ZBTB25: variants seen among roughly 807,000 people sequenced by gnomAD.
The protein encoded by ZBTB25 is zinc finger and BTB domain-containing protein 25.
ZBTB25 carries 20 observed loss-of-function variants against 34.2 expected under a neutral mutation model. That is an observed-to-expected ratio of 0.58 (90% confidence interval 0.41 to 0.85). The LOEUF is 0.85. Ranked by LOEUF, ZBTB25 falls within the 40% of genes least tolerant of loss-of-function variation. The pLI, the probability that ZBTB25 is intolerant of heterozygous loss-of-function variation, is 0.00. For synonymous variants in ZBTB25, 175 were observed against 186.4 expected (o/e 0.94, Z 0.50); for missense variants, 437 against 521.8 (o/e 0.84, Z 1.58).
In ZBTB25 at chr14:64,485,680, G is replaced by C. The variant is rs1175780304; in HGVS notation, c.*1243C>G. The C allele has an allele frequency of 1.0e-6, 1 of 985,140 alleles. No individual in the cohort carries two copies. The highest frequency in any genetic ancestry group is 6.2e-5 in the Admixed American group (1 of 16,256). 61.0% of individuals were successfully genotyped at this position (985,140 alleles called of 1,614,324 possible). A position where few individuals can be genotyped will look rare whatever the true frequency, so the allele number is the denominator to read the frequency against. On this transcript the variant is annotated 3_prime_UTR_variant, in exon 3 of 3. Transcript: ENST00000608382. ...ATGGATCAGGAAAAAAGTGAAAACTGTGCCACTGAAAAATTACTTTTTCAG... is the reference window on the plus strand; with the variant it reads ...ATGGATCAGGAAAAAAGTGAAAACTCTGCCACTGAAAAATTACTTTTTCAG...
At chr14:64,477,157 C>T (rs2141010284), downstream of ZBTB25, among the ~76,000 whole-genome samples, 1 of 152,196 alleles carries the variant, frequency 6.6e-6, no homozygotes, top group Non-Finnish European at 1.5e-5. Context: ...AAAATAAGGG[C>T]TTCTTAAACC....
chr14:64,499,716 A>T lies in ZBTB25; in HGVS notation c.-8+3945T>A, dbSNP rs189796222. Among the ~76,000 whole-genome samples the T allele has an allele frequency of 1.6e-3, 237 of 152,348 alleles. 2 individuals carry two copies. The highest frequency in any genetic ancestry group is 5.4e-3 in the African/African-American group (226 of 41,578). On this transcript the variant is annotated intron_variant, in intron 1 of 2. Coordinates refer to ENST00000608382, the MANE Select transcript of ZBTB25 (RefSeq NM_006977.5). ...GAAATATTTACTCTCTTACTCCATT[A>T]CACCTAGATTGGATTTCATAACACC...
intron 1 of ZBTB25, among the ~76,000 whole-genome samples, chr14:64,497,449 T>C (rs1292926545): frequency 6.6e-6 from 1 of 152,236 alleles, no homozygotes; most frequent in Non-Finnish European, 1.5e-5. Context: ...CATTTGAGAA[T>C]TTCTGGTGAG....
In ZBTB25 at chr14:64,485,661, C is replaced by G; in HGVS notation, c.*1262G>C. On this transcript the variant is annotated 3_prime_UTR_variant, in exon 3 of 3. Transcript: ENST00000608382. ...TATCCACTTTGCTGGTTTTATGGAT[C>G]AGGAAAAAAGTGAAAACTGTGCCAC... is the stretch of plus-strand genomic sequence containing the variant. 4.1e-6 allele frequency: 4 copies of G among 985,258 alleles called. No individual in the cohort carries two copies. The highest frequency in any genetic ancestry group is 4.8e-6 in the Non-Finnish European group (4 of 829,894). 61.0% of individuals were successfully genotyped at this position (985,258 alleles called of 1,614,324 possible).
intron 2 of ZBTB25, among the ~76,000 whole-genome samples, chr14:64,456,360 T>C (rs1174031003): frequency 6.6e-6 from 1 of 152,240 alleles, no homozygotes; most frequent in Non-Finnish European, 1.5e-5. Flanking sequence ...CTCAGATTAT[T>C]TGAATATTTT....
intron 1 of ZBTB25, among the ~76,000 whole-genome samples, chr14:64,493,814 G>A (rs75930284): frequency 0.018 from 2,686 of 150,596 alleles, 82 homozygotes; most frequent in African/African-American, 0.062. Context: ...TACAGAAACC[G>A]TCTTGATAAG....
rs977786148 is a variant in ZBTB25 at position 64,503,734 on chromosome 14, A to G, written c.-81T>C. The G allele has an allele frequency of 2.9e-5, 14 of 481,972 alleles. No homozygotes were observed. The highest frequency in any genetic ancestry group is 2.5e-4 in the African/African-American group (12 of 47,526). The allele number at this position is 481,972 out of a possible 1,614,324, so 29.9% of individuals were successfully genotyped here. A position where few individuals can be genotyped will look rare whatever the true frequency, so the allele number is the denominator to read the frequency against. ...GGCTCCCAAGCCGCGCACTGCAAGC[A>G]GTGGCGCCGGCTCACGCACCCCTCG... is the stretch of plus-strand genomic sequence containing the variant. On this transcript the variant is annotated 5_prime_UTR_variant, in exon 1 of 3. Coordinates refer to ENST00000608382, the MANE Select transcript of ZBTB25 (RefSeq NM_006977.5).
chr14:64,501,290 CG>C (rs2079489209), intron 1 of ZBTB25, among the ~76,000 whole-genome samples: 1 of 152,114 alleles, frequency 6.6e-6, no homozygotes, highest in African/African-American at 2.4e-5. Context: ...CTCTTAAAAT[CG>C]TCACTGTGAT....
chr14:64,500,805 C>T (rs1318643402), intron 1 of ZBTB25, among the ~76,000 whole-genome samples: 1 of 152,194 alleles, frequency 6.6e-6, no homozygotes, highest in Admixed American at 6.5e-5. Flanking sequence ...AATCCCAGCA[C>T]TTTGGGAGGC....
chr14:64,490,419 T>C lies in ZBTB25; in HGVS notation c.115A>G (p.Arg39Gly). ...TTAGAAAAAGCAGCAAGCACTGCTC[T>C]GTGGGCTTTGAAGTAAACATCTCCA... ...AIGDVYFKAH[R>G]AVLAAFSNYF... Residue 39 changes from arginine (R) to glycine (G), a missense_variant, in exon 2 of 3, where the codon AGA becomes GGA. Coordinates refer to ENST00000608382, the MANE Select transcript of ZBTB25 (RefSeq NM_006977.5). 6.2e-7 allele frequency: 1 copy of C among 1,613,606 alleles called. No individual in the cohort carries two copies. The highest frequency in any genetic ancestry group is 2.2e-5 in the East Asian group (1 of 44,882).
chr14:64,496,572 A>G (rs2079285140), intron 1 of ZBTB25, among the ~76,000 whole-genome samples: 1 of 152,250 alleles, frequency 6.6e-6, no homozygotes, highest in African/African-American at 2.4e-5. Context: ...CAAAATTAAA[A>G]GAAATTTTAA....
chr14:64,498,897 G>A (rs1443941997), intron 1 of ZBTB25, among the ~76,000 whole-genome samples: 7 of 152,130 alleles, frequency 4.6e-5, no homozygotes, highest in Non-Finnish European at 4.4e-5. Context: ...GCCTCCCAAA[G>A]TGCTGTGATT....
rs1002413081 is a variant in ZBTB25 at position 64,485,628 on chromosome 14, A to G, written c.*1295T>C. The G allele has an allele frequency of 1.8e-5, 18 of 985,302 alleles. No homozygotes were observed. The highest frequency in any genetic ancestry group is 2.2e-5 in the Non-Finnish European group (18 of 829,926). The allele number at this position is 985,302 out of a possible 1,614,324, so 61.0% of individuals were successfully genotyped here. ...TGGATCTTAAATGTAGTTATAGAACACTGAATGTATCCACTTTGCTGGTTT... is the reference window on the plus strand; with the variant it reads ...TGGATCTTAAATGTAGTTATAGAACGCTGAATGTATCCACTTTGCTGGTTT... On this transcript the variant is annotated 3_prime_UTR_variant, in exon 3 of 3. Transcript: ENST00000608382.
intron 2 of ZBTB25, chr14:64,462,058 G>A (rs983376387): frequency 6.6e-6 from 1 of 152,156 alleles, no homozygotes; most frequent in African/African-American, 2.4e-5. Context: ...ACAGCCACAT[G>A]GGTTTAAATC....
At chr14:64,459,707 A>G (rs1332599566) in intron 2 of ZBTB25, 7 of 1,337,984 alleles carry the variant, frequency 5.2e-6, no homozygotes, top group Non-Finnish European at 6.7e-6. Context: ...GGAACAGGAA[A>G]CATTTCAGTG....
chr14:64,494,161 G>A (rs1596640037), intron 1 of ZBTB25, among the ~76,000 whole-genome samples: 1 of 152,196 alleles, frequency 6.6e-6, no homozygotes, highest in Non-Finnish European at 1.5e-5. Context: ...TCGTCATTGA[G>A]GAAAGGCAAT....
At chr14:64,476,601 G>A (rs893849087), downstream of ZBTB25, among the ~76,000 whole-genome samples, 10 of 152,178 alleles carry the variant, frequency 6.6e-5, no homozygotes, top group African/African-American at 2.2e-4. Flanking sequence ...GATTACAGGC[G>A]TAAGCCACCA....
At chr14:64,463,987 C>A (rs1362726125) in intron 2 of ZBTB25, among the ~76,000 whole-genome samples, 1 of 151,938 alleles carries the variant, frequency 6.6e-6, no homozygotes, top group African/African-American at 2.4e-5. Flanking sequence ...TAGAGAGATA[C>A]GCAGACCATT....
intron 1 of ZBTB25, among the ~76,000 whole-genome samples, chr14:64,501,669 C>T (rs1176030008): frequency 1.3e-5 from 2 of 152,220 alleles, no homozygotes; most frequent in Non-Finnish European, 2.9e-5. Flanking sequence ...CAGGCACCAC[C>T]TACGGACCAT....
Sources: allele counts gnomAD v4.1 joint callset (sites outside exome capture counted in the v4.1 genomes callset), GRCh38; gene constraint gnomAD v4.1.1; transcripts MANE v1.5; gene names NCBI Gene and HGNC (gene_info 2026-07-23, HGNC 2026-07-21).